Variants in TRPM3 observed in about 807,000 individuals in gnomAD.
TRPM3 encodes the protein long transient receptor potential channel 3.
A neutral mutation model predicts 181.2 loss-of-function variants in TRPM3; 77 were observed. The observed-to-expected ratio is 0.42, with a 90% CI of 0.35 to 0.51. TRPM3 has a LOEUF of 0.51. Among genes scored for constraint, TRPM3 ranks in the 20% least tolerant of loss-of-function variants. TRPM3 has a pLI of 0.01. For missense variants in TRPM3, 1,759 were observed against 2,196.7 expected, an observed-to-expected ratio of 0.80 and a Z score of 3.98; for synonymous variants, 745 against 796.4, an observed-to-expected ratio of 0.94 and a Z score of 1.09.
intron 1 of TRPM3, among the ~76,000 whole-genome samples, chr9:70,919,021 G>T (rs929897566): frequency 2.6e-5 from 4 of 151,840 alleles, no homozygotes; most frequent in African/African-American, 9.7e-5. Context: ...TCTTTCCTCA[G>T]GCCTCATTAC....
chr9:71,126,051 AG>A, upstream of TRPM3, among the ~76,000 whole-genome samples: 1 of 152,198 alleles, frequency 6.6e-6, no homozygotes, highest in Non-Finnish European at 1.5e-5. Context: ...CCCATTAGAA[AG>A]GGGGCAAAGG....
chr9:71,086,571 C>G (rs921622316), intron 1 of TRPM3, among the ~76,000 whole-genome samples: 4 of 151,952 alleles, frequency 2.6e-5, no homozygotes, highest in African/African-American at 4.8e-5. Context: ...CATATCCTGT[C>G]AGGATAAGAG....
intron 1 of TRPM3, among the ~76,000 whole-genome samples, chr9:71,212,845 G>C (rs1348810564): frequency 7.5e-6 from 1 of 133,884 alleles, no homozygotes; most frequent in Non-Finnish European, 1.7e-5. Context: ...ATCACAGCCA[G>C]CTTTACTATG....
At chr9:71,338,566 A>G (rs2090735408) in intron 1 of TRPM3, among the ~76,000 whole-genome samples, 1 of 152,156 alleles carries the variant, frequency 6.6e-6, no homozygotes, top group South Asian at 2.1e-4. Context: ...AGATGAATGT[A>G]TGAGTAATGA....
intron 1 of TRPM3, among the ~76,000 whole-genome samples, chr9:70,891,253 A>C (rs2096197670): frequency 6.6e-6 from 1 of 152,168 alleles, no homozygotes; most frequent in African/African-American, 2.4e-5. Flanking sequence ...GAAAATAAAA[A>C]CACTGAATAC....
At chr9:71,160,675 G>A (rs181752840) in intron 1 of TRPM3, among the ~76,000 whole-genome samples, 2 of 152,124 alleles carry the variant, frequency 1.3e-5, no homozygotes, top group Admixed American at 1.3e-4. Flanking sequence ...CCACTGGGTA[G>A]GATCAAATCT....
chr9:71,051,597 C>G (rs558596020), intron 1 of TRPM3, among the ~76,000 whole-genome samples: 1 of 151,738 alleles, frequency 6.6e-6, no homozygotes, highest in African/African-American at 2.4e-5. Flanking sequence ...AAAATGGCGG[C>G]GGGGTGGGGG....
intron 1 of TRPM3, among the ~76,000 whole-genome samples, chr9:71,015,793 G>T (rs1261499965): frequency 6.6e-6 from 1 of 152,088 alleles, no homozygotes; most frequent in African/African-American, 2.4e-5. Flanking sequence ...ATTTTGGATA[G>T]ATTTTTGTTT....
intron 1 of TRPM3, among the ~76,000 whole-genome samples, chr9:71,217,629 C>T (rs1186421270): frequency 6.6e-6 from 1 of 152,210 alleles, no homozygotes; most frequent in East Asian, 1.9e-4. Flanking sequence ...ACTTTGCCAT[C>T]TACAGGTTTA....
chr9:70,745,275 A>T (rs569871230), intron 8 of TRPM3, among the ~76,000 whole-genome samples: 2 of 152,266 alleles, frequency 1.3e-5, no homozygotes, highest in East Asian at 1.9e-4. Flanking sequence ...TAAATGGCAG[A>T]TCTGGGATTT....
intron 1 of TRPM3, among the ~76,000 whole-genome samples, chr9:71,151,191 A>T (rs1377623212): frequency 6.6e-6 from 1 of 152,210 alleles, no homozygotes; most frequent in Admixed American, 6.5e-5. Context: ...TTGGCAAAAC[A>T]TGTCACTAAA....
intron 9 of TRPM3, among the ~76,000 whole-genome samples, chr9:70,647,895 A>G (rs1193944698): frequency 3.3e-5 from 5 of 152,224 alleles, no homozygotes; most frequent in Non-Finnish European, 5.9e-5. Context: ...CTATACACCA[A>G]TAATGTCCAA....
intron 1 of TRPM3, among the ~76,000 whole-genome samples, chr9:70,991,364 T>C (rs1322877747): frequency 6.6e-6 from 1 of 152,216 alleles, no homozygotes; most frequent in East Asian, 1.9e-4. Flanking sequence ...TATCTCATTA[T>C]AGTTGCAGCA....
intron 9 of TRPM3, among the ~76,000 whole-genome samples, chr9:70,668,426 A>C (rs1262486131): frequency 3.3e-5 from 5 of 152,154 alleles, no homozygotes; most frequent in African/African-American, 1.2e-4. Context: ...GCACTTTGGG[A>C]GGCCGAGGCG....
intron 1 of TRPM3, among the ~76,000 whole-genome samples, chr9:71,204,563 A>G (rs1439057701): frequency 4.6e-5 from 7 of 152,190 alleles, no homozygotes; most frequent in East Asian, 1.9e-4. Flanking sequence ...TCAGGAAACA[A>G]CAGGTGCTGG....
chr9:71,015,346 A>G (rs925301244), intron 1 of TRPM3, among the ~76,000 whole-genome samples: 2 of 152,126 alleles, frequency 1.3e-5, no homozygotes, highest in African/African-American at 4.8e-5. Context: ...CTATCTTCCT[A>G]TTAGTTGTAG....
chr9:70,624,801 A>G (rs1012006309), intron 14 of TRPM3, among the ~76,000 whole-genome samples: 5 of 152,192 alleles, frequency 3.3e-5, no homozygotes, highest in African/African-American at 4.8e-5. Flanking sequence ...GTTTTTGAAA[A>G]TATGTTTTTG....
intron 1 of TRPM3, among the ~76,000 whole-genome samples, chr9:71,433,557 C>T (rs1368922951): frequency 6.6e-6 from 1 of 152,188 alleles, no homozygotes; most frequent in Non-Finnish European, 1.5e-5. Context: ...AAAACAAATA[C>T]AATATCCAAC....
At chr9:71,270,105 T>C (rs2083679449) in intron 1 of TRPM3, among the ~76,000 whole-genome samples, 1 of 152,172 alleles carries the variant, frequency 6.6e-6, no homozygotes, top group African/African-American at 2.4e-5. Flanking sequence ...GCTTAAAACT[T>C]TCAGGAGGCC....
Sources: gnomAD v4.1 joint callset for allele counts (sites outside exome capture counted in the v4.1 genomes callset) on GRCh38, gnomAD v4.1.1 for gene constraint, MANE v1.5 for transcripts, NCBI Gene and HGNC (gene_info 2026-07-23, HGNC 2026-07-21) for gene names.